ACOT13: variants seen among roughly 807,000 people sequenced by gnomAD.
ACOT13 encodes acyl-coenzyme A thioesterase 13.
Under a neutral mutation model 11.8 loss-of-function variants are expected in ACOT13, and 10 were observed. The ratio of observed to expected loss-of-function variants is 0.85; its 90% CI spans 0.53 to 1.44. The LOEUF (loss-of-function observed/expected upper bound fraction) is 1.44, where lower values mean the gene tolerates loss of function less well. ACOT13 is among the 40% of genes most tolerant of loss of function. ACOT13 has a pLI of 0.00. For missense variants in ACOT13, 172 were observed against 174.1 expected (o/e 0.99, Z 0.07); for synonymous variants, 53 against 61.0 (o/e 0.87, Z 0.61).
At chr6:24,687,775 A>T in intron 1 of ACOT13, 1 of 1,351,772 alleles carries the variant, frequency 7.4e-7, no homozygotes, top group Non-Finnish European at 9.8e-7. Context: ...CAATGGTACG[A>T]TCTTGGCTCA....
intron 2 of ACOT13, among the ~76,000 whole-genome samples, chr6:24,699,570 C>T (rs531712966): frequency 1.5e-4 from 23 of 152,352 alleles, no homozygotes; most frequent in Middle Eastern, 6.8e-3. Flanking sequence ...CATTCAGTCC[C>T]TCTTCATGGG....
intron 1 of ACOT13, among the ~76,000 whole-genome samples, chr6:24,684,839 C>T (rs3901428): frequency 0.025 from 3,793 of 152,012 alleles, 98 homozygotes; most frequent in African/African-American, 0.064. Flanking sequence ...ATAGCAAGAC[C>T]CCTTCTCTAC....
At chr6:24,676,735 C>T (rs371645663) in intron 1 of ACOT13, among the ~76,000 whole-genome samples, 4 of 152,130 alleles carry the variant, frequency 2.6e-5, no homozygotes, top group East Asian at 3.9e-4. Flanking sequence ...CCTGCCTTGC[C>T]GCTCTTTTGG....
At chr6:24,700,557 T>C (rs1778876422) in intron 2 of ACOT13, among the ~76,000 whole-genome samples, 2 of 147,460 alleles carry the variant, frequency 1.4e-5, no homozygotes, top group African/African-American at 5.0e-5. Flanking sequence ...TGCCTCAGCC[T>C]CAAAAGTAGC....
At chr6:24,668,622 C>T (rs572045907) in intron 1 of ACOT13, among the ~76,000 whole-genome samples, 8 of 152,314 alleles carry the variant, frequency 5.3e-5, no homozygotes, top group Admixed American at 2.0e-4. Context: ...CTATTGGCCA[C>T]TTGGTACTCA....
rs1190721169 is a variant in ACOT13, at chr6:24,698,144, T to A, written c.266+77T>A. ...CAACTGAGACTAAACACATTTATAT[T>A]ATTAGTAACGCATGAGATTCAATTA... On this transcript the variant is annotated intron_variant, in intron 2 of 2. Coordinates refer to ENST00000230048, the MANE Select transcript of ACOT13 (RefSeq NM_018473.4). The A allele has an allele frequency of 3.2e-6, 4 of 1,257,190 alleles. No individual in the cohort carries two copies. The African/African-American group carries it at 4.6e-5, about 15-fold the overall frequency. 77.9% of individuals were successfully genotyped at this position (1,257,190 alleles called of 1,614,324 possible).
intron 1 of ACOT13, among the ~76,000 whole-genome samples, chr6:24,668,306 C>T (rs1287654927): frequency 6.6e-6 from 1 of 151,990 alleles, no homozygotes; most frequent in Non-Finnish European, 1.5e-5. Flanking sequence ...GCAACCTCCG[C>T]CTCCTGGGTT....
chr6:24,675,682 C>G (rs187038279), intron 1 of ACOT13, among the ~76,000 whole-genome samples: 1 of 152,232 alleles, frequency 6.6e-6, no homozygotes, highest in Non-Finnish European at 1.5e-5. Flanking sequence ...CTGTAGGTTG[C>G]CTGTTCACTC....
chr6:24,685,048 T>C (rs1778607606), intron 1 of ACOT13, among the ~76,000 whole-genome samples: 1 of 152,088 alleles, frequency 6.6e-6, no homozygotes, highest in Non-Finnish European at 1.5e-5. Context: ...GAGTCTTAAA[T>C]CTTTCCATAC....
At chr6:24,672,752 A>G (rs191748648) in intron 1 of ACOT13, among the ~76,000 whole-genome samples, 1 of 152,374 alleles carries the variant, frequency 6.6e-6, no homozygotes, top group African/African-American at 2.4e-5. Flanking sequence ...GGGGCCCATA[A>G]GCTGATCTTG....
intron 1 of ACOT13, among the ~76,000 whole-genome samples, chr6:24,696,626 T>A (rs532610822): frequency 1.1e-4 from 17 of 152,226 alleles, no homozygotes; most frequent in Non-Finnish European, 2.5e-4. Context: ...ATTACTGTTT[T>A]GGATGCAGCA....
intron 1 of ACOT13, among the ~76,000 whole-genome samples, chr6:24,675,592 G>A (rs1044098952): frequency 4.4e-4 from 67 of 152,126 alleles, no homozygotes; most frequent in African/African-American, 1.3e-3. Context: ...ATTTTTTCTT[G>A]TAAATTTGTT....
rs182285137 is a variant in ACOT13 at position 24,698,614 on chromosome 6, C to G, written c.266+547C>G. Among the ~76,000 whole-genome samples, 373 of 151,652 alleles carry G rather than the reference C, an allele frequency of 2.5e-3. 2 individuals carry two copies. The highest frequency in any genetic ancestry group is 0.01 in the Middle Eastern group (3 of 290). ...AGTTCATATACACATTATAATCTTA[C>G]TCTAACAAACTGAACACCATTGCTG... On this transcript the variant is annotated intron_variant, in intron 2 of 2. Coordinates refer to ENST00000230048, the MANE Select transcript of ACOT13 (RefSeq NM_018473.4).
intron 1 of ACOT13, among the ~76,000 whole-genome samples, chr6:24,696,501 T>G (rs1428517325): frequency 6.6e-6 from 1 of 152,222 alleles, no homozygotes; most frequent in African/African-American, 2.4e-5. Context: ...TAAATGGTAC[T>G]TATCTAGAAT....
intron 1 of ACOT13, among the ~76,000 whole-genome samples, chr6:24,681,984 T>C (rs1778559468): frequency 6.6e-6 from 1 of 152,220 alleles, no homozygotes; most frequent in African/African-American, 2.4e-5. Context: ...AACAGGCTAA[T>C]GCCGGGAGTT....
rs1778930543 is a variant in ACOT13 at position 24,703,482 on chromosome 6, TATGCATGAA to T, written c.*1869_*1877del. ...CTGGGACAGAAAGGTTACAGTATCT[TATGCATGAA>T]AGGAGATGCTCAAAATAATAAAGGC... On this transcript the variant is annotated 3_prime_UTR_variant, in exon 3 of 3. Coordinates refer to ENST00000230048, the MANE Select transcript of ACOT13 (RefSeq NM_018473.4). 2 of 152,224 alleles carry T rather than the reference TATGCATGAA, an allele frequency of 1.3e-5. No individual in the cohort carries two copies. Among genetic ancestry groups the T allele is most frequent in the South Asian group, 4.1e-4 (2 of 4,830 alleles). The allele number at this position is 152,224 out of a possible 1,614,324, so 9.4% of individuals were successfully genotyped here. A position where few individuals can be genotyped will look rare whatever the true frequency, so the allele number is the denominator to read the frequency against.
rs1426530392 is a variant in ACOT13 at position 24,678,429 on chromosome 6, A to G, written c.81+11085A>G. ...ACTGGAGTATTGCAGGGGCTATTGC[A>G]TGGTTTTACTAGGCCTTGGGCTTTT... On this transcript the variant is annotated intron_variant, in intron 1 of 2. Transcript: ENST00000230048. 4.6e-5 allele frequency among the ~76,000 whole-genome samples: 7 copies of G among 152,126 alleles called. No homozygotes were observed. In the East Asian group the frequency reaches 1.2e-3, roughly 25 times the overall value.
chr6:24,699,076 A>G (rs1197113970), intron 2 of ACOT13, among the ~76,000 whole-genome samples: 3 of 152,256 alleles, frequency 2.0e-5, no homozygotes, highest in East Asian at 1.9e-4. Context: ...TCAATAAAGA[A>G]AGAGCTGGGC....
At chr6:24,698,340 A>AG (rs200867499) in intron 2 of ACOT13, among the ~76,000 whole-genome samples, 1 of 149,064 alleles carries the variant, frequency 6.7e-6, no homozygotes, top group Non-Finnish European at 1.5e-5. Flanking sequence ...ATACTGATGC[A>AG]GGGGGAAAAA....
Sources: gnomAD v4.1 joint callset for allele counts (sites outside exome capture counted in the v4.1 genomes callset) on GRCh38, gnomAD v4.1.1 for gene constraint, MANE v1.5 for transcripts, NCBI Gene and HGNC (gene_info 2026-07-23, HGNC 2026-07-21) for gene names.